Variants in FHIT observed in about 807,000 individuals in gnomAD.
FHIT encodes fragile histidine triad diadenosine triphosphatase.
Under a neutral mutation model 17.9 loss-of-function variants are expected in FHIT, and 19 were observed. That is an observed-to-expected ratio of 1.06 (90% CI 0.74 to 1.56). The LOEUF is 1.56. Among genes scored for constraint, FHIT ranks in the 40% most tolerant of loss-of-function variants. The pLI, the probability that FHIT is intolerant of heterozygous loss-of-function variation, is 0.00. For synonymous variants in FHIT, 81 were observed against 69.7 expected (o/e 1.16, Z -0.81); for missense variants, 248 against 189.2 (o/e 1.31, Z -1.82).
At chr3:60,282,433 G>A (rs1176104897) in intron 5 of FHIT, among the ~76,000 whole-genome samples, 3 of 152,086 alleles carry the variant, frequency 2.0e-5, no homozygotes, top group Non-Finnish European at 2.9e-5. Flanking sequence ...TAGTTACCAG[G>A]GATCCAATAT....
At chr3:60,607,705 C>T (rs2038651990) in intron 4 of FHIT, among the ~76,000 whole-genome samples, 2 of 152,074 alleles carry the variant, frequency 1.3e-5, no homozygotes, top group Non-Finnish European at 2.9e-5. Context: ...GACATCCTAA[C>T]AAGGTTTTCA....
intron 5 of FHIT, among the ~76,000 whole-genome samples, chr3:60,022,648 C>A (rs932274006): frequency 2.6e-5 from 4 of 152,148 alleles, no homozygotes; most frequent in Non-Finnish European, 5.9e-5. Context: ...CTAACCCCAA[C>A]CAACTTGTAG....
At chr3:60,696,409 A>T (rs1438487091) in intron 4 of FHIT, among the ~76,000 whole-genome samples, 2 of 152,212 alleles carry the variant, frequency 1.3e-5, no homozygotes, top group African/African-American at 4.8e-5. Context: ...ATGAATATTC[A>T]CTACAGTCAA....
intron 5 of FHIT, among the ~76,000 whole-genome samples, chr3:60,402,949 C>T (rs142754913): frequency 6.6e-6 from 1 of 152,274 alleles, no homozygotes; most frequent in African/African-American, 2.4e-5. Context: ...TTTCAAGGAC[C>T]ACCTTTGTAC....
At position 60,838,565 on chromosome 3, in the gene FHIT, TC is replaced by T. The variant is rs369449293; in HGVS notation, c.-110-16555del. On this transcript the variant is annotated intron_variant, in intron 3 of 9. Coordinates refer to ENST00000492590, the MANE Select transcript of FHIT (RefSeq NM_002012.4). ...GATAATATTTTTACTTCCCCTTTAT[TC>T]CTGAGGATATTTTCACAGGCAATAG... Among the ~76,000 whole-genome samples the T allele has an allele frequency of 4.6e-4, 70 of 152,278 alleles. 1 individual carries two copies. The highest frequency in any genetic ancestry group is 3.4e-3 in the Middle Eastern group (1 of 294).
At chr3:60,085,981 T>C (rs1703477150) in intron 5 of FHIT, among the ~76,000 whole-genome samples, 1 of 152,178 alleles carries the variant, frequency 6.6e-6, no homozygotes, top group Admixed American at 6.6e-5. Flanking sequence ...GTATAATTTA[T>C]AAAGAAAAGA....
intron 5 of FHIT, among the ~76,000 whole-genome samples, chr3:60,065,151 T>A (rs3856666): frequency 6.6e-6 from 1 of 151,972 alleles, no homozygotes; most frequent in Non-Finnish European, 1.5e-5. Context: ...ACTAGGAAGT[T>A]TGGAAAAATG....
chr3:60,454,599 TG>T (rs2107382934), intron 5 of FHIT, among the ~76,000 whole-genome samples: 1 of 152,202 alleles, frequency 6.6e-6, no homozygotes, highest in East Asian at 1.9e-4. Context: ...TTAGCCAGGA[TG>T]GTCTCAATCT....
chr3:60,555,273 CT>C (rs1191068000), intron 4 of FHIT, among the ~76,000 whole-genome samples: 7 of 152,200 alleles, frequency 4.6e-5, no homozygotes, highest in Non-Finnish European at 1.0e-4. Context: ...ACTATAGCCT[CT>C]GTGTTATGTC....
At chr3:60,440,745 G>T (rs537342369) in intron 5 of FHIT, among the ~76,000 whole-genome samples, 1 of 152,012 alleles carries the variant, frequency 6.6e-6, no homozygotes, top group South Asian at 2.1e-4. Context: ...ATTCAGTGGG[G>T]CAATAAATCT....
chr3:59,974,989 C>A (rs1275510442), intron 7 of FHIT, among the ~76,000 whole-genome samples: 3 of 152,104 alleles, frequency 2.0e-5, no homozygotes, highest in African/African-American at 4.8e-5. Flanking sequence ...TCTAGCTTTA[C>A]TTTTCTTCAT....
chr3:60,776,447 T>G (rs1553724484), intron 4 of FHIT, among the ~76,000 whole-genome samples: 1 of 152,222 alleles, frequency 6.6e-6, no homozygotes, highest in East Asian at 1.9e-4. Context: ...GAAACAGTCT[T>G]AAAAACTATT....
chr3:60,345,923 G>C (rs1182748473), intron 5 of FHIT, among the ~76,000 whole-genome samples: 1 of 152,188 alleles, frequency 6.6e-6, no homozygotes, highest in Non-Finnish European at 1.5e-5. Context: ...CTTACTTGAA[G>C]ATGCATTGGT....
At position 60,222,840 on chromosome 3, in the gene FHIT, G is replaced by C. The variant is rs147750550; in HGVS notation, c.104-208688C>G. 2.9e-3 allele frequency among the ~76,000 whole-genome samples: 445 copies of C among 152,206 alleles called. 2 individuals carry two copies. The highest frequency in any genetic ancestry group is 0.01 in the African/African-American group (423 of 41,534). On this transcript the variant is annotated intron_variant, in intron 5 of 9. Coordinates refer to ENST00000492590, the MANE Select transcript of FHIT (RefSeq NM_002012.4). The stretch of plus-strand genomic sequence containing the variant: ...TGCTTGAACTCGGGAGGCAGAGGTT[G>C]CAGTGAGACAAGATCGTACCACTGC...
intron 8 of FHIT, among the ~76,000 whole-genome samples, chr3:59,851,890 A>G (rs1701953541): frequency 6.6e-6 from 1 of 152,222 alleles, no homozygotes; most frequent in African/African-American, 2.4e-5. Flanking sequence ...AACTAGTAAG[A>G]AGGTCCCAAT....
intron 2 of FHIT, among the ~76,000 whole-genome samples, chr3:61,065,642 C>T (rs1468803086): frequency 6.6e-6 from 1 of 151,714 alleles, no homozygotes; most frequent in African/African-American, 2.4e-5. Flanking sequence ...TCAGGGACAA[C>T]TTAATTTCAA....
chr3:60,485,314 A>C (rs1443159829), intron 5 of FHIT, among the ~76,000 whole-genome samples: 2 of 152,200 alleles, frequency 1.3e-5, no homozygotes, highest in Non-Finnish European at 2.9e-5. Flanking sequence ...TATATGCCCA[A>C]AAGAATATAA....
At chr3:59,882,485 TA>T (rs11289210) in intron 8 of FHIT, among the ~76,000 whole-genome samples, 146,314 of 152,268 alleles carry the variant, frequency 0.96, 70,356 homozygotes, top group East Asian at 1. Flanking sequence ...CCTGAGGTGG[TA>T]ACTCGGTAGA....
At chr3:61,227,145 C>A (rs1184218670) in intron 1 of FHIT, among the ~76,000 whole-genome samples, 3 of 152,150 alleles carry the variant, frequency 2.0e-5, no homozygotes, top group South Asian at 2.1e-4. Flanking sequence ...AAGTGGAGGA[C>A]TTTTCTCCTC....
Sources: allele counts gnomAD v4.1 joint callset (sites outside exome capture counted in the v4.1 genomes callset), GRCh38; gene constraint gnomAD v4.1.1; transcripts MANE v1.5; gene names NCBI Gene and HGNC (gene_info 2026-07-23, HGNC 2026-07-21).